Variants in GLIS3 observed in about 807,000 individuals in gnomAD.
GLIS3 encodes the protein GLIS family zinc finger 3, also known as zinc finger protein GLIS3.
GLIS3 carries 53 observed loss-of-function variants against 78.6 expected under a neutral mutation model. The ratio of observed to expected loss-of-function variants is 0.67; its 90% confidence interval spans 0.54 to 0.85. GLIS3 has a LOEUF of 0.85. Ranked by LOEUF, GLIS3 falls within the 40% of genes least tolerant of loss-of-function variation. The pLI is 0.00. For missense variants in GLIS3, 1,703 were observed against 1,231.1 expected (o/e 1.38, Z -5.74); for synonymous variants, 684 against 509.9 (o/e 1.34, Z -4.60).
intron 6 of GLIS3, among the ~76,000 whole-genome samples, chr9:3,911,121 CT>C (rs1365525935): frequency 2.0e-5 from 3 of 151,730 alleles, no homozygotes; most frequent in Non-Finnish European, 4.4e-5. Flanking sequence ...TCCTTCCTTC[CT>C]TTCCTTTCTT....
At chr9:4,301,600 T>C (rs1226485841), upstream of GLIS3, among the ~76,000 whole-genome samples, 3 of 152,226 alleles carry the variant, frequency 2.0e-5, no homozygotes, top group African/African-American at 7.2e-5. Context: ...ATTCTTGTGC[T>C]GTACAACTGC....
chr9:3,879,408 G>C lies in GLIS3; in HGVS notation c.2297+19C>G, dbSNP rs1164831047. 1.2e-6 allele frequency: 2 copies of C among 1,613,090 alleles called. No individual in the cohort carries two copies. The highest frequency in any genetic ancestry group is 8.5e-7 in the Non-Finnish European group (1 of 1,179,288). ...TTTGGCGGCGACACCTATTAGGAGA[G>C]AGAGACAGATGGCCTTACCTCTCAG... On this transcript the variant is annotated intron_variant, in intron 8 of 10. Coordinates refer to ENST00000381971, the MANE Select transcript of GLIS3 (RefSeq NM_001042413.2).
intron 2 of GLIS3, among the ~76,000 whole-genome samples, chr9:4,314,597 G>C (rs941057597): frequency 7.9e-5 from 12 of 152,238 alleles, no homozygotes; most frequent in African/African-American, 2.9e-4. Flanking sequence ...ACTAAGAAAA[G>C]AGACAGCTAC....
intron 8 of GLIS3, among the ~76,000 whole-genome samples, chr9:3,874,816 T>TATATTTA (rs1821204879): frequency 6.6e-6 from 1 of 152,222 alleles, no homozygotes; most frequent in African/African-American, 2.4e-5. Context: ...TTTTTTTCCT[T>TATATTTA]ATATTTACAC....
intron 4 of GLIS3, among the ~76,000 whole-genome samples, chr9:3,945,814 A>G (rs957152110): frequency 2.6e-5 from 4 of 152,188 alleles, no homozygotes; most frequent in South Asian, 2.1e-4. Context: ...AAAACAAAAT[A>G]AAAAGTAGAA....
At chr9:4,302,321 G>T (rs546542116), upstream of GLIS3, among the ~76,000 whole-genome samples, 1 of 152,298 alleles carries the variant, frequency 6.6e-6, no homozygotes, top group African/African-American at 2.4e-5. Context: ...GACCAGTGTT[G>T]TATGTGCCTC....
At chr9:4,214,615 CT>C (rs1261270839) in intron 2 of GLIS3, among the ~76,000 whole-genome samples, 1 of 152,178 alleles carries the variant, frequency 6.6e-6, no homozygotes, top group South Asian at 2.1e-4. Context: ...TAGTGTGTCA[CT>C]TTTTTTCTTC....
chr9:4,477,152 G>A, the GLIS3 span, among the ~76,000 whole-genome samples: 5 of 151,878 alleles, frequency 3.3e-5, no homozygotes, highest in Admixed American at 2.0e-4. Flanking sequence ...ACCAAAAGGC[G>A]GAAGCAACCC....
At chr9:4,219,729 CA>C (rs1821154165) in intron 2 of GLIS3, among the ~76,000 whole-genome samples, 2 of 152,216 alleles carry the variant, frequency 1.3e-5, no homozygotes, top group South Asian at 4.1e-4. Flanking sequence ...ACAAATAGTG[CA>C]ACTGAGCTGG....
intron 4 of GLIS3, among the ~76,000 whole-genome samples, chr9:4,004,973 G>C (rs1483054809): frequency 6.6e-6 from 1 of 152,166 alleles, no homozygotes; most frequent in African/African-American, 2.4e-5. Context: ...AGCCAAAGTA[G>C]GATTAAATTC....
intron 4 of GLIS3, among the ~76,000 whole-genome samples, chr9:4,078,510 A>T (rs1257008954): frequency 6.6e-6 from 1 of 152,212 alleles, no homozygotes. Flanking sequence ...GCCCAGTAAC[A>T]GCTCAAGCAA....
At chr9:4,207,747 T>C (rs7854179) in intron 2 of GLIS3, among the ~76,000 whole-genome samples, 86,113 of 151,918 alleles carry the variant, frequency 0.57, 24,551 homozygotes, top group Middle Eastern at 0.63. Flanking sequence ...GAGTAGCAGA[T>C]GGGGAACCCA....
intron 9 of GLIS3, 184 bp downstream of exon 9, chr9:3,855,825 G>A: frequency 1.5e-6 from 1 of 685,724 alleles, no homozygotes; most frequent in Non-Finnish European, 2.6e-6. Context: ...CCATCATCAG[G>A]CCAAAGTCAG....
rs1176382352 is a variant in GLIS3, at chr9:4,318,171, G to C, written n.265-7643C>G. Among the ~76,000 whole-genome samples the C allele has an allele frequency of 2.0e-5, 3 of 152,150 alleles. No homozygotes were observed. In the East Asian group the frequency reaches 5.8e-4, roughly 29 times the overall value. On this transcript the variant is annotated intron_variant and non_coding_transcript_variant, in intron 2 of 4. Coordinates refer to the GLIS3 transcript ENST00000471664. ...CCAGGGTCTTGCTGCGGGAGAAGTG[G>C]TGGGTGGAAGGCAGTTACAATGATG...
At chr9:4,435,289 A>G in the GLIS3 span, among the ~76,000 whole-genome samples, 1 of 152,204 alleles carries the variant, frequency 6.6e-6, no homozygotes, top group Non-Finnish European at 1.5e-5. Flanking sequence ...GTAAAATTGA[A>G]TGGGATTATA....
the GLIS3 span, among the ~76,000 whole-genome samples, chr9:4,381,686 G>C: frequency 6.6e-6 from 1 of 152,198 alleles, no homozygotes; most frequent in Non-Finnish European, 1.5e-5. Flanking sequence ...TTGTCTACCT[G>C]CTGCCCCTGA....
chr9:4,384,818 C>T, the GLIS3 span, among the ~76,000 whole-genome samples: 115,042 of 152,008 alleles, frequency 0.76, 46,238 homozygotes, highest in Non-Finnish European at 0.9. Flanking sequence ...CAACCTCCAG[C>T]CCCGTGTACA....
chr9:4,094,433 G>C (rs645854), intron 4 of GLIS3, among the ~76,000 whole-genome samples: 46,652 of 151,904 alleles, frequency 0.31, 8,017 homozygotes, highest in African/African-American at 0.47. Flanking sequence ...CTTACTAGTT[G>C]CTATTTTTAG....
chr9:4,002,040 C>T (rs1307086212), intron 4 of GLIS3, among the ~76,000 whole-genome samples: 1 of 152,168 alleles, frequency 6.6e-6, no homozygotes, highest in Middle Eastern at 3.2e-3. Flanking sequence ...AAGTACGTGG[C>T]AGCTGTGATT....
Sources: allele counts gnomAD v4.1 joint callset (sites outside exome capture counted in the v4.1 genomes callset), GRCh38; gene constraint gnomAD v4.1.1; transcripts MANE v1.5; gene names NCBI Gene and HGNC (gene_info 2026-07-23, HGNC 2026-07-21).